The following STAT2 variants were observed in gnomAD, a reference collection of about 807,000 sequenced individuals.
STAT2 encodes the protein interferon alpha induced transcriptional activator.
A neutral mutation model predicts 122.3 loss-of-function variants in STAT2; 51 were observed. The observed-to-expected ratio is 0.42, with a 90% CI of 0.33 to 0.53. The LOEUF is 0.53. Among genes scored for constraint, STAT2 ranks in the 20% least tolerant of loss-of-function variants. The pLI is 0.10. For synonymous variants in STAT2, 351 were observed against 394.9 expected (o/e 0.89, Z 1.32); for missense variants, 736 against 1,010.3 (o/e 0.73, Z 3.68).
intron 2 of STAT2, 38 bp from the exon 3 acceptor site, chr12:56,356,323 G>A (rs762373914): frequency 5.0e-6 from 8 of 1,608,858 alleles, no homozygotes; most frequent in Non-Finnish European, 6.8e-6. Context: ...TGTCTCTGCA[G>A]TGTTACTGTA....
rs144395122 is a variant in STAT2 at position 56,343,971 on chromosome 12, T to G, written c.2267A>C (p.Glu756Ala). ...DLGPELESVLESTLEPVIEPT... is the reference protein window; with the variant it reads ...DLGPELESVLASTLEPVIEPT... ...CTCTATCACAGGCTCCAGAGTGGACTCCAGCACAGACTCTAGCTCTGGCCC... is the reference window on the plus strand; with the variant it reads ...CTCTATCACAGGCTCCAGAGTGGACGCCAGCACAGACTCTAGCTCTGGCCC... Residue 756 changes from glutamate (E) to alanine (A), a missense_variant, in exon 23 of 24, where the codon GAG becomes GCG. Transcript: ENST00000314128. 8.1e-6 allele frequency: 13 copies of G among 1,614,078 alleles called. No homozygotes were observed. The African/African-American group carries it at 1.7e-4, about 22-fold the overall frequency.
Position 56,344,122 on chromosome 12 carries a change from G to A in STAT2, c.2116C>T (p.Leu706=), listed in dbSNP as rs144878478. Residue 706 remains leucine, a synonymous_variant, in exon 23 of 24, where the codon CTG becomes TTG. Transcript: ENST00000314128. Reference sequence around the variant, plus strand: ...GGCTTAAGCTCCAGCGGTTGTTGCAGTTCATCCACCTGTCTGGATACCCAA... The same window carrying A: ...GGCTTAAGCTCCAGCGGTTGTTGCAATTCATCCACCTGTCTGGATACCCAA... The part of the protein sequence containing the change: ...IVVSNRQVDE[L]QQPLELKPEP... 155 of 1,556,272 alleles carry A rather than the reference G, an allele frequency of 1.0e-4. No homozygotes were observed. The African/African-American group carries it at 1.8e-3, about 18-fold the overall frequency.
In STAT2 at chr12:56,349,198, C is replaced by A. The variant is rs1333853387; in HGVS notation, c.1405G>T (p.Val469Phe). The A allele has an allele frequency of 6.2e-7, 1 of 1,614,174 alleles. No individual in the cohort carries two copies. The highest frequency in any genetic ancestry group is 8.5e-7 in the Non-Finnish European group (1 of 1,180,032). Residue 469 changes from valine to phenylalanine, a missense_variant, in exon 16 of 24, where the codon GTT (valine) becomes TTT (phenylalanine). Val to Phe is a conservative substitution (Grantham distance 50, BLOSUM62 -1). Transcript: ENST00000314128. ...MNQLSIAWAS[V>F]LWFNLLSPNL... ...GGGCTGAGCAAATTGAACCAGAGAA[C>A]TGAAGCCCAGGCAATTGAGAGCTGG...
intron 21 of STAT2, 60 bp from the exon 22 acceptor site, chr12:56,346,263 T>C: frequency 6.2e-7 from 1 of 1,602,748 alleles, no homozygotes; most frequent in Non-Finnish European, 8.5e-7. Flanking sequence ...TAGCCTGAGG[T>C]TCCCCTAGTG....
rs753806117 is a variant in STAT2, at chr12:56,355,511, C to T, written c.403G>A (p.Glu135Lys). Reference protein sequence around the residue: ...AQLEQGEPVLETPVESQQHEI... With the variant: ...AQLEQGEPVLKTPVESQQHEI... The stretch of plus-strand genomic sequence containing the variant: ...TGTTGCTGGCTCTCCACAGGTGTTT[C>T]GAGAACTGGCTCTCCTTGTTCCTGA... The change falls in exon 5 of 24, where the codon GAA (glutamate) becomes AAA (lysine). Residue 135 changes from glutamate (E) to lysine (K), a missense_variant. Coordinates refer to ENST00000314128, the MANE Select transcript of STAT2 (RefSeq NM_005419.4). 2.2e-5 allele frequency: 36 copies of T among 1,614,024 alleles called. No homozygotes were observed. The African/African-American group carries it at 2.9e-4, about 13-fold the overall frequency.
rs541450001 is a variant in STAT2 at position 56,358,473 on chromosome 12, T to C, written c.-8+1585A>G. 3.3e-3 allele frequency among the ~76,000 whole-genome samples: 504 copies of C among 152,242 alleles called. 9 individuals carry two copies. The highest frequency in any genetic ancestry group is 5.9e-3 in the Non-Finnish European group (398 of 68,002). On this transcript the variant is annotated intron_variant, in intron 1 of 23. Transcript: ENST00000314128. ...ATTGTCCAGGCTGGTCTGGAACTTC[T>C]GACCTCAGGTGATCTGCCCACCTTG...
intron 1 of STAT2, among the ~76,000 whole-genome samples, chr12:56,359,327 G>A (rs566444402): frequency 1.3e-5 from 2 of 152,266 alleles, no homozygotes; most frequent in African/African-American, 4.8e-5. Context: ...TGTAATCCCA[G>A]CACTTTGTGA....
At chr12:56,343,585 C>A in intron 23 of STAT2, 54 bp from the exon 24 acceptor site, 5 of 1,587,202 alleles carry the variant, frequency 3.2e-6, no homozygotes, top group Middle Eastern at 1.8e-4. Flanking sequence ...GAGTTCCCAA[C>A]CCAGCAGGGA....
At position 56,354,875 on chromosome 12, in the gene STAT2, GA is replaced by G. The variant is rs1879270172; in HGVS notation, c.548-13del. The G allele has an allele frequency of 6.2e-7, 1 of 1,613,452 alleles. No individual in the cohort carries two copies. The highest frequency in any genetic ancestry group is 1.3e-5 in the African/African-American group (1 of 74,868). On this transcript the variant is annotated splice_polypyrimidine_tract_variant and intron_variant, in intron 6 of 23. Coordinates refer to ENST00000314128, the MANE Select transcript of STAT2 (RefSeq NM_005419.4). ...AGAGGGTGTCTTCCCTGGATGGTGG[GA>G]ACAGGAGTCAGTCCAGGGGTTCTTT... is the stretch of plus-strand genomic sequence containing the variant.
At chr12:56,351,653 A>G (rs1878505067) in intron 8 of STAT2, among the ~76,000 whole-genome samples, 2 of 152,098 alleles carry the variant, frequency 1.3e-5, no homozygotes, top group Admixed American at 6.5e-5. Context: ...CACATATAAA[A>G]CTGCTAATAG....
intron 8 of STAT2, among the ~76,000 whole-genome samples, chr12:56,354,010 A>ATATAT (rs1555171450): frequency 3.1e-4 from 6 of 19,612 alleles, no homozygotes; most frequent in Non-Finnish European, 8.4e-4. Flanking sequence ...AAAAAAAAAA[A>ATATAT]AAAAAAATAT....
intron 1 of STAT2, among the ~76,000 whole-genome samples, chr12:56,357,433 C>T (rs1007857091): frequency 3.3e-5 from 5 of 151,954 alleles, no homozygotes; most frequent in South Asian, 2.1e-4. Flanking sequence ...CTCCGCCTCC[C>T]GGGCTCATGC....
At chr12:56,351,556 G>T in intron 8 of STAT2, 106 bp from the exon 9 acceptor site, 1 of 1,212,566 alleles carries the variant, frequency 8.2e-7, no homozygotes, top group Non-Finnish European at 1.1e-6. Context: ...AACTGACTGG[G>T]GGGAAGAAAA....
intron 8 of STAT2, 98 bp from the exon 9 acceptor site, chr12:56,351,548 C>G: frequency 7.6e-7 from 1 of 1,309,174 alleles, no homozygotes; most frequent in South Asian, 1.5e-5. Context: ...GAGTCAGAAA[C>G]TGACTGGGGG....
chr12:56,344,734 C>T (rs190245558), intron 22 of STAT2, among the ~76,000 whole-genome samples: 1 of 152,004 alleles, frequency 6.6e-6, no homozygotes, highest in East Asian at 1.9e-4. Flanking sequence ...AGGCCGGGTG[C>T]AGAGGCTCAC....
intron 9 of STAT2, 40 bp downstream of exon 9, chr12:56,351,252 G>C (rs866981035): frequency 6.2e-7 from 1 of 1,612,170 alleles, no homozygotes; most frequent in Admixed American, 1.7e-5. Flanking sequence ...GGCTTCCCTT[G>C]TTCCTTCTTT....
chr12:56,359,934 T>C, intron 1 of STAT2, 124 bp downstream of exon 1: 1 of 554,268 alleles, frequency 1.8e-6, no homozygotes, highest in Non-Finnish European at 2.3e-6. Context: ...CAGCTCCTAT[T>C]TCAATCTGGG....
intron 8 of STAT2, chr12:56,352,371 T>TTTGTG (rs1565655623): frequency 4.9e-4 from 14 of 28,458 alleles, no homozygotes; most frequent in South Asian, 1.2e-3. Flanking sequence ...TTTTTTTTTT[T>TTTGTG]GGTGGGGGTG....
chr12:56,346,202 A>G lies in STAT2; in HGVS notation c.2046T>C (p.Val682=). The change falls in exon 22 of 24, where the codon GTT becomes GTC. Residue 682 remains valine, a splice_region_variant and synonymous_variant. Transcript: ENST00000314128. The part of the protein sequence containing the change: ...EAFGCYYQEK[V]NLQERRKYLK... The stretch of plus-strand genomic sequence containing the variant: ...GGTATTTCCTCCGTTCCTGGAGATT[A>G]ACTGTGAGGAACATATACAAGAAGC... 1 of 1,614,108 alleles carries G rather than the reference A, an allele frequency of 6.2e-7. No individual in the cohort carries two copies. Among genetic ancestry groups the G allele is most frequent in the Non-Finnish European group, 8.5e-7 (1 of 1,179,976 alleles).
Sources: gnomAD v4.1 joint callset for allele counts (sites outside exome capture counted in the v4.1 genomes callset) on GRCh38, gnomAD v4.1.1 for gene constraint, MANE v1.5 for transcripts, NCBI Gene and HGNC (gene_info 2026-07-23, HGNC 2026-07-21) for gene names.